Variants in GRID2 observed in about 807,000 individuals in gnomAD.
GRID2 encodes the protein glutamate receptor ionotropic, delta-2.
In GRID2, 33 loss-of-function variants were observed where a neutral mutation model predicts 114.8. The observed-to-expected ratio is 0.29, with a 90% CI of 0.22 to 0.38. The LOEUF (loss-of-function observed/expected upper bound fraction) is 0.38, where lower values mean the gene tolerates loss of function less well. GRID2 is among the 10% of genes least tolerant of loss of function. GRID2 has a pLI of 1.00. For missense variants in GRID2, 1,184 were observed against 1,257.7 expected, an observed-to-expected ratio of 0.94 and a Z score of 0.89; for synonymous variants, 505 against 449.9, an observed-to-expected ratio of 1.12 and a Z score of -1.55.
At chr4:93,532,554 G>T (rs1731553738) in intron 13 of GRID2, among the ~76,000 whole-genome samples, 1 of 152,166 alleles carries the variant, frequency 6.6e-6, no homozygotes, top group South Asian at 2.1e-4. Flanking sequence ...CAGGAGAGTT[G>T]TGAATTACAG....
At chr4:93,387,253 A>G (rs1435684770) in intron 8 of GRID2, among the ~76,000 whole-genome samples, 1 of 152,200 alleles carries the variant, frequency 6.6e-6, no homozygotes, top group Non-Finnish European at 1.5e-5. Context: ...TCTTATTATT[A>G]CTATAGCTAT....
At chr4:93,103,750 A>G (rs138970314) in intron 3 of GRID2, among the ~76,000 whole-genome samples, 33 of 152,166 alleles carry the variant, frequency 2.2e-4, no homozygotes, top group African/African-American at 7.2e-4. Flanking sequence ...GATTTTCTCA[A>G]AAGAGTCTGT....
intron 1 of GRID2, among the ~76,000 whole-genome samples, chr4:92,566,091 T>G (rs1477169619): frequency 6.6e-6 from 1 of 151,810 alleles, no homozygotes; most frequent in Non-Finnish European, 1.5e-5. Flanking sequence ...GCCTAAGAGG[T>G]TTCAATAAAC....
intron 13 of GRID2, among the ~76,000 whole-genome samples, chr4:93,624,984 G>A (rs1381506159): frequency 6.6e-6 from 1 of 152,148 alleles, no homozygotes. Context: ...ATGCCCACCA[G>A]GGAGTTTTCT....
chr4:93,240,097 G>T (rs1380405798), intron 8 of GRID2, among the ~76,000 whole-genome samples: 1 of 151,504 alleles, frequency 6.6e-6, no homozygotes, highest in Non-Finnish European at 1.5e-5. Context: ...AAAATTCTTG[G>T]ATATACATCT....
chr4:93,138,561 G>T (rs1735481338), intron 4 of GRID2, among the ~76,000 whole-genome samples: 1 of 152,036 alleles, frequency 6.6e-6, no homozygotes, highest in Non-Finnish European at 1.5e-5. Flanking sequence ...ATTGAATCTT[G>T]TCTTCAGATA....
At chr4:92,941,250 G>T (rs1751101743) in intron 2 of GRID2, among the ~76,000 whole-genome samples, 1 of 152,146 alleles carries the variant, frequency 6.6e-6, no homozygotes, top group Admixed American at 6.5e-5. Context: ...TTCAGATCCT[G>T]TAACTGGTCT....
chr4:93,040,430 G>T (rs1036256009), intron 2 of GRID2, among the ~76,000 whole-genome samples: 1 of 152,108 alleles, frequency 6.6e-6, no homozygotes, highest in Non-Finnish European at 1.5e-5. Context: ...CATCAGTTTG[G>T]TCTTGAAGTT....
At chr4:92,951,626 C>G (rs1216727814) in intron 2 of GRID2, among the ~76,000 whole-genome samples, 1 of 152,152 alleles carries the variant, frequency 6.6e-6, no homozygotes, top group African/African-American at 2.4e-5. Flanking sequence ...CTGTGCCCAT[C>G]CAAATTTTTA....
chr4:92,332,087 G>A (rs1726920841), intron 1 of GRID2, among the ~76,000 whole-genome samples: 1 of 151,998 alleles, frequency 6.6e-6, no homozygotes, highest in Non-Finnish European at 1.5e-5. Context: ...TTGAACACAC[G>A]TTTACCCATT....
intron 14 of GRID2, among the ~76,000 whole-genome samples, chr4:93,755,044 T>C (rs1732629035): frequency 6.6e-6 from 1 of 152,194 alleles, no homozygotes; most frequent in Non-Finnish European, 1.5e-5. Context: ...CTTGCCATTA[T>C]CATGGAAAAT....
At chr4:93,585,385 C>T (rs1394870151) in intron 13 of GRID2, among the ~76,000 whole-genome samples, 1 of 152,084 alleles carries the variant, frequency 6.6e-6, no homozygotes, top group Non-Finnish European at 1.5e-5. Flanking sequence ...ATTGTGTACG[C>T]TGAGTCAATT....
intron 4 of GRID2, among the ~76,000 whole-genome samples, chr4:93,164,152 C>CCG: frequency 6.7e-6 from 1 of 150,312 alleles, no homozygotes; most frequent in East Asian, 2.0e-4. Context: ...AAACCAAGCC[C>CCG]GGGGGGGGAA....
At chr4:93,202,755 T>A (rs575616308) in intron 4 of GRID2, among the ~76,000 whole-genome samples, 1 of 152,260 alleles carries the variant, frequency 6.6e-6, no homozygotes, top group East Asian at 1.9e-4. Context: ...AGCTCAGAAA[T>A]TCTTTTTAGG....
chr4:92,664,896 C>A (rs1176730600), intron 2 of GRID2, among the ~76,000 whole-genome samples: 2 of 149,664 alleles, frequency 1.3e-5, no homozygotes, highest in Non-Finnish European at 3.0e-5. Flanking sequence ...TTAAATCTGT[C>A]ATTTTCAACC....
chr4:92,452,976 A>G (rs1579391125), intron 1 of GRID2, among the ~76,000 whole-genome samples: 1 of 150,640 alleles, frequency 6.6e-6, no homozygotes, highest in Non-Finnish European at 1.5e-5. Flanking sequence ...GCATACACTT[A>G]TGCATTTGTT....
At chr4:92,666,322 G>T (rs2149272656) in intron 2 of GRID2, among the ~76,000 whole-genome samples, 1 of 151,190 alleles carries the variant, frequency 6.6e-6, no homozygotes, top group Non-Finnish European at 1.5e-5. Flanking sequence ...TACTTCCCCT[G>T]TGCCTTCCTT....
intron 2 of GRID2, among the ~76,000 whole-genome samples, chr4:92,702,926 A>G (rs879551388): frequency 2.0e-5 from 3 of 152,118 alleles, no homozygotes; most frequent in Admixed American, 6.6e-5. Flanking sequence ...AATGGCTGTG[A>G]AAGTTCATCT....
chr4:92,565,378 T>C (rs2149186288), intron 1 of GRID2, among the ~76,000 whole-genome samples: 1 of 152,110 alleles, frequency 6.6e-6, no homozygotes, highest in South Asian at 2.1e-4. Context: ...TGAATTCATA[T>C]GCTTGCTAAG....
Sources: gnomAD v4.1 joint callset for allele counts (sites outside exome capture counted in the v4.1 genomes callset) on GRCh38, gnomAD v4.1.1 for gene constraint, MANE v1.5 for transcripts, NCBI Gene and HGNC (gene_info 2026-07-23, HGNC 2026-07-21) for gene names.